EPB41L4A: variants seen among roughly 807,000 people sequenced by gnomAD.
EPB41L4A encodes band 4.1-like protein 4A.
A neutral mutation model predicts 108.6 loss-of-function variants in EPB41L4A; 100 were observed. The ratio of observed to expected loss-of-function variants is 0.92; its 90% CI spans 0.78 to 1.09. The LOEUF (loss-of-function observed/expected upper bound fraction) is 1.09. Ranked by LOEUF, EPB41L4A falls within the 50% of genes least tolerant of loss-of-function variation. The pLI, the probability that EPB41L4A is intolerant of heterozygous loss-of-function variation, is 0.00. For synonymous variants in EPB41L4A, 319 were observed against 289.0 expected (o/e 1.10, Z -1.05); for missense variants, 1,030 against 842.7 (o/e 1.22, Z -2.75).
At chr5:112,296,649 T>G (rs1754003249) in intron 2 of EPB41L4A, among the ~76,000 whole-genome samples, 1 of 152,156 alleles carries the variant, frequency 6.6e-6, no homozygotes. Flanking sequence ...GGTTAGGTAT[T>G]GAGTTACATG....
chr5:112,339,495 T>G (rs1489254323), intron 1 of EPB41L4A, among the ~76,000 whole-genome samples: 4 of 45,652 alleles, frequency 8.8e-5, no homozygotes, highest in African/African-American at 3.4e-4. Context: ...TATATATATA[T>G]CTATATATAT....
At chr5:112,361,712 AT>A (rs59679665) in intron 1 of EPB41L4A, among the ~76,000 whole-genome samples, 24,662 of 144,480 alleles carry the variant, frequency 0.17, 2,238 homozygotes, top group East Asian at 0.35. Context: ...CTAAAAAAAA[AT>A]AATAATAATA....
chr5:112,299,509 T>C (rs914698160), intron 2 of EPB41L4A, among the ~76,000 whole-genome samples: 11 of 152,290 alleles, frequency 7.2e-5, no homozygotes, highest in East Asian at 5.8e-4. Flanking sequence ...ATTCTGAAGT[T>C]GTTGGGTAGA....
intron 12 of EPB41L4A, among the ~76,000 whole-genome samples, chr5:112,222,189 T>G (rs747229058): frequency 6.6e-6 from 1 of 152,238 alleles, no homozygotes; most frequent in East Asian, 1.9e-4. Flanking sequence ...TCAAGAGTAT[T>G]TGTTGAAAAC....
intron 2 of EPB41L4A, among the ~76,000 whole-genome samples, chr5:112,303,547 A>G (rs1199769741): frequency 6.6e-6 from 1 of 152,170 alleles, no homozygotes; most frequent in Non-Finnish European, 1.5e-5. Flanking sequence ...GAGAAGACTG[A>G]ACAGGAATAA....
chr5:112,171,950 T>C (rs1032688248), intron 18 of EPB41L4A, among the ~76,000 whole-genome samples: 1 of 152,150 alleles, frequency 6.6e-6, no homozygotes, highest in Non-Finnish European at 1.5e-5. Context: ...GTGTATGATA[T>C]CATTAATGCT....
chr5:112,300,493 G>C (rs1393396322), intron 2 of EPB41L4A, among the ~76,000 whole-genome samples: 1 of 152,168 alleles, frequency 6.6e-6, no homozygotes, highest in Non-Finnish European at 1.5e-5. Flanking sequence ...CTTCTACCTT[G>C]TAGGGTTTCT....
chr5:112,385,300 T>C (rs544698284), intron 1 of EPB41L4A, among the ~76,000 whole-genome samples: 25 of 152,200 alleles, frequency 1.6e-4, no homozygotes, highest in East Asian at 7.7e-4. Flanking sequence ...CTTGGGAAGT[T>C]TGGAAAAAGT....
intron 11 of EPB41L4A, among the ~76,000 whole-genome samples, chr5:112,236,927 A>T (rs901787711): frequency 2.0e-5 from 3 of 152,206 alleles, no homozygotes; most frequent in Non-Finnish European, 2.9e-5. Flanking sequence ...GACACAAAGG[A>T]GGTTCTTAGG....
chr5:112,311,949 G>A (rs926227522), intron 1 of EPB41L4A, among the ~76,000 whole-genome samples: 1 of 152,092 alleles, frequency 6.6e-6, no homozygotes, highest in Non-Finnish European at 1.5e-5. Context: ...ATCCCAAACA[G>A]GTAAACAAGA....
intron 18 of EPB41L4A, among the ~76,000 whole-genome samples, chr5:112,176,930 T>G (rs1760898962): frequency 2.0e-5 from 3 of 151,750 alleles, no homozygotes; most frequent in African/African-American, 7.3e-5. Context: ...AATTTTTGTA[T>G]TTTTAGTAGA....
intron 11 of EPB41L4A, among the ~76,000 whole-genome samples, chr5:112,237,039 T>C (rs1406027298): frequency 6.6e-6 from 1 of 152,216 alleles, no homozygotes; most frequent in East Asian, 1.9e-4. Flanking sequence ...GGGGAGTTTC[T>C]AAGCCTTCTT....
intron 1 of EPB41L4A, among the ~76,000 whole-genome samples, chr5:112,387,301 T>C (rs916084912): frequency 3.3e-5 from 5 of 152,066 alleles, no homozygotes; most frequent in African/African-American, 1.2e-4. Flanking sequence ...TCAATTTAAG[T>C]ATCTATAAGG....
Position 112,194,556 on chromosome 5 carries a change from T to G in EPB41L4A, c.1502+12A>C. 1 of 1,471,674 alleles carries G rather than the reference T, an allele frequency of 6.8e-7. No individual in the cohort carries two copies. Among genetic ancestry groups the G allele is most frequent in the Non-Finnish European group, 9.4e-7 (1 of 1,063,458 alleles). The allele number at this position is 1,471,674 out of a possible 1,614,324, so 91.2% of individuals were successfully genotyped here. On this transcript the variant is annotated intron_variant, in intron 17 of 22. Coordinates refer to ENST00000261486, the MANE Select transcript of EPB41L4A (RefSeq NM_022140.5). ...TTCAGAGTGCCAGTTAATTATAATATTGAGATATTACCTGTTTCTCTTTTT... is the reference window on the plus strand; with the variant it reads ...TTCAGAGTGCCAGTTAATTATAATAGTGAGATATTACCTGTTTCTCTTTTT...
At chr5:112,172,009 C>T (rs528506055) in intron 18 of EPB41L4A, among the ~76,000 whole-genome samples, 74 of 152,256 alleles carry the variant, frequency 4.9e-4, no homozygotes, top group African/African-American at 1.5e-3. Flanking sequence ...TCTGGTAGGG[C>T]TTCCTGAACC....
intron 1 of EPB41L4A, among the ~76,000 whole-genome samples, chr5:112,320,061 C>G (rs1180728236): frequency 6.6e-6 from 1 of 152,220 alleles, no homozygotes; most frequent in Non-Finnish European, 1.5e-5. Context: ...TTCTGTTAAG[C>G]TTGAAATTAT....
chr5:112,384,148 G>T (rs1179026076), intron 1 of EPB41L4A, among the ~76,000 whole-genome samples: 3 of 152,102 alleles, frequency 2.0e-5, no homozygotes, highest in Admixed American at 2.0e-4. Context: ...TCTTTTCAAG[G>T]TGATAAAACA....
At chr5:112,374,621 G>A (rs898040469) in intron 1 of EPB41L4A, among the ~76,000 whole-genome samples, 4 of 152,136 alleles carry the variant, frequency 2.6e-5, no homozygotes, top group African/African-American at 4.8e-5. Context: ...CTCTGTGAAC[G>A]CACACTCCTA....
intron 2 of EPB41L4A, among the ~76,000 whole-genome samples, chr5:112,292,202 GGTAA>G (rs1472381285): frequency 2.6e-5 from 4 of 152,290 alleles, no homozygotes; most frequent in African/African-American, 9.6e-5. Context: ...GTGGCTGCCT[GGTAA>G]GTATCTGCTA....
Sources: allele counts gnomAD v4.1 joint callset (sites outside exome capture counted in the v4.1 genomes callset), GRCh38; gene constraint gnomAD v4.1.1; transcripts MANE v1.5; gene names NCBI Gene and HGNC (gene_info 2026-07-23, HGNC 2026-07-21).